PRKD1: variants seen among roughly 807,000 people sequenced by gnomAD.
The protein encoded by PRKD1 is protein kinase D1, also known as serine/threonine-protein kinase D1.
Under a neutral mutation model 95.9 loss-of-function variants are expected in PRKD1, and 63 were observed. That is an observed-to-expected ratio of 0.66 (90% CI 0.54 to 0.81). The LOEUF (loss-of-function observed/expected upper bound fraction) is 0.81. Among genes scored for constraint, PRKD1 ranks in the 30% least tolerant of loss-of-function variants. PRKD1 has a pLI of 0.00. For synonymous variants in PRKD1, 425 were observed against 423.1 expected, an observed-to-expected ratio of 1.00 and a Z score of -0.05; for missense variants, 1,048 against 1,165.3, an observed-to-expected ratio of 0.90 and a Z score of 1.47.
At chr14:29,693,805 C>G (rs1349747167) in intron 2 of PRKD1, among the ~76,000 whole-genome samples, 2 of 151,922 alleles carry the variant, frequency 1.3e-5, no homozygotes, top group African/African-American at 4.8e-5. Flanking sequence ...CATTATCACT[C>G]ACAGACTGTT....
chr14:29,613,774 G>T (rs1180365379), intron 13 of PRKD1, among the ~76,000 whole-genome samples: 3 of 152,184 alleles, frequency 2.0e-5, no homozygotes, highest in Non-Finnish European at 2.9e-5. Flanking sequence ...TGAACCCACA[G>T]TAAGCCCATT....
intron 1 of PRKD1, among the ~76,000 whole-genome samples, chr14:29,767,603 T>C (rs1888311992): frequency 6.6e-6 from 1 of 152,298 alleles, no homozygotes; most frequent in South Asian, 2.1e-4. Context: ...TCATTCCTCA[T>C]TCCATTTTAG....
chr14:29,811,447 T>C (rs1362849136), intron 1 of PRKD1, among the ~76,000 whole-genome samples: 1 of 152,208 alleles, frequency 6.6e-6, no homozygotes, highest in Non-Finnish European at 1.5e-5. Flanking sequence ...GGCAGAAGGA[T>C]GACCCCCAGA....
At chr14:29,899,927 G>C (rs538771066) in intron 1 of PRKD1, among the ~76,000 whole-genome samples, 76 of 152,266 alleles carry the variant, frequency 5.0e-4, no homozygotes, top group African/African-American at 1.8e-3. Flanking sequence ...TTGTGATAAT[G>C]AGTTCTCATG....
intron 1 of PRKD1, among the ~76,000 whole-genome samples, chr14:29,827,163 A>G (rs1891231197): frequency 6.6e-6 from 1 of 151,790 alleles, no homozygotes. Context: ...AAAATTTCAT[A>G]GTTCATCACT....
At chr14:29,771,582 C>G (rs1566591102) in intron 1 of PRKD1, among the ~76,000 whole-genome samples, 2 of 152,200 alleles carry the variant, frequency 1.3e-5, no homozygotes, top group Non-Finnish European at 2.9e-5. Flanking sequence ...CTTCCTCGGA[C>G]AGCATTGAGG....
intron 1 of PRKD1, among the ~76,000 whole-genome samples, chr14:29,872,911 T>G (rs182587063): frequency 2.0e-5 from 3 of 152,294 alleles, no homozygotes; most frequent in Admixed American, 2.0e-4. Flanking sequence ...TATTTGTGTT[T>G]TTCTTGAAAA....
rs184136238 is a variant in PRKD1 at position 29,763,259 on chromosome 14, T to C, written c.265-37585A>G. Reference sequence around the variant, plus strand: ...CTCCAGTGAGCTGTGATTGTGCCCCTGCACTCCAACCTGGGTGACAGAGCA... The same window carrying C: ...CTCCAGTGAGCTGTGATTGTGCCCCCGCACTCCAACCTGGGTGACAGAGCA... On this transcript the variant is annotated intron_variant, in intron 1 of 17. Coordinates refer to ENST00000331968, the MANE Select transcript of PRKD1 (RefSeq NM_002742.3). Among the ~76,000 whole-genome samples the C allele has an allele frequency of 1.0e-3, 152 of 147,850 alleles. 5 individuals are homozygous for C. In the East Asian group the frequency reaches 0.025, roughly 24 times the overall value.
intron 2 of PRKD1, among the ~76,000 whole-genome samples, chr14:29,715,994 G>T (rs1180637672): frequency 6.6e-6 from 1 of 152,030 alleles, no homozygotes; most frequent in Non-Finnish European, 1.5e-5. Flanking sequence ...GTGCCATCAA[G>T]GCCCTAACAT....
intron 1 of PRKD1, among the ~76,000 whole-genome samples, chr14:29,749,213 C>T (rs8003617): frequency 0.22 from 32,801 of 152,086 alleles, 3,753 homozygotes; most frequent in Middle Eastern, 0.27. Flanking sequence ...ACTACACTAT[C>T]TCTTCTCCCA....
chr14:29,855,313 C>G (rs1892456501), intron 1 of PRKD1, among the ~76,000 whole-genome samples: 1 of 152,194 alleles, frequency 6.6e-6, no homozygotes, highest in African/African-American at 2.4e-5. Flanking sequence ...GAACCCATAT[C>G]TTATATCAGC....
intron 1 of PRKD1, among the ~76,000 whole-genome samples, chr14:29,913,069 C>G (rs1316613768): frequency 6.6e-6 from 1 of 152,210 alleles, no homozygotes; most frequent in African/African-American, 2.4e-5. Flanking sequence ...TGAGACTAAG[C>G]AATTAGCTTA....
chr14:29,899,466 G>GCTCTAC (rs1894245747), intron 1 of PRKD1, among the ~76,000 whole-genome samples: 1 of 152,038 alleles, frequency 6.6e-6, no homozygotes, highest in Non-Finnish European at 1.5e-5. Context: ...GGTCAACATG[G>GCTCTAC]TAAAACCCCA....
At chr14:29,787,489 C>T (rs1400137955) in intron 1 of PRKD1, among the ~76,000 whole-genome samples, 1 of 151,946 alleles carries the variant, frequency 6.6e-6, no homozygotes, top group Non-Finnish European at 1.5e-5. Flanking sequence ...ATAATATTTG[C>T]TCTATATATC....
chr14:29,577,878 AT>A (rs1176668778), intron 17 of PRKD1, among the ~76,000 whole-genome samples: 3 of 152,196 alleles, frequency 2.0e-5, no homozygotes, highest in Non-Finnish European at 4.4e-5. Context: ...GCATTTAAAA[AT>A]ATAGCTTCTA....
chr14:29,736,396 C>A (rs1886714756), intron 1 of PRKD1, among the ~76,000 whole-genome samples: 1 of 152,118 alleles, frequency 6.6e-6, no homozygotes, highest in South Asian at 2.1e-4. Context: ...TGCCTGACAA[C>A]TGAAAAGAGA....
At chr14:29,821,158 A>G (rs1008295989) in intron 1 of PRKD1, among the ~76,000 whole-genome samples, 3 of 152,232 alleles carry the variant, frequency 2.0e-5, no homozygotes, top group African/African-American at 7.2e-5. Context: ...GAATTTTTAC[A>G]TGTTCACAAT....
chr14:29,877,210 G>A (rs1449518726), intron 1 of PRKD1, among the ~76,000 whole-genome samples: 1 of 152,174 alleles, frequency 6.6e-6, no homozygotes, highest in Admixed American at 6.5e-5. Context: ...AACAAGTGTT[G>A]ACAAGAATGT....
At chr14:29,682,345 C>T (rs988897538) in intron 2 of PRKD1, among the ~76,000 whole-genome samples, 9 of 152,126 alleles carry the variant, frequency 5.9e-5, no homozygotes, top group African/African-American at 2.2e-4. Flanking sequence ...TTCCTTTAAC[C>T]TCTATCTCAA....
Sources: gnomAD v4.1 joint callset for allele counts (sites outside exome capture counted in the v4.1 genomes callset) on GRCh38, gnomAD v4.1.1 for gene constraint, MANE v1.5 for transcripts, NCBI Gene and HGNC (gene_info 2026-07-23, HGNC 2026-07-21) for gene names.